Variants in HLF observed in about 807,000 individuals in gnomAD.
The protein encoded by HLF is hepatic leukemia factor.
HLF carries 3 observed loss-of-function variants against 22.6 expected under a neutral mutation model. The observed-to-expected ratio is 0.13, with a 90% CI of 0.06 to 0.34. HLF has a LOEUF of 0.34. Ranked by LOEUF, HLF falls within the 10% of genes least tolerant of loss-of-function variation. The pLI is 1.00. For missense variants in HLF, 299 were observed against 389.2 expected (o/e 0.77, Z 1.95); for synonymous variants, 151 against 151.8 (o/e 0.99, Z 0.04).
rs1382166674 is a variant in HLF at position 55,267,868 on chromosome 17, G to A, written c.233G>A (p.Gly78Glu). 1.2e-6 allele frequency: 2 copies of A among 1,614,102 alleles called. No homozygotes were observed. Among genetic ancestry groups the A allele is most frequent in the South Asian group, 2.2e-5 (2 of 91,082 alleles). Reference sequence around the variant, plus strand: ...TGGGACAAAACCCTTCCCTATGACGGAGATACTTTCCAGTTGGAATACATG... The same window carrying A: ...TGGGACAAAACCCTTCCCTATGACGAAGATACTTTCCAGTTGGAATACATG... ...TLWDKTLPYDGDTFQLEYMDL... is the reference protein window; with the variant it reads ...TLWDKTLPYDEDTFQLEYMDL... Residue 78 changes from glycine to glutamate, a missense_variant, in exon 2 of 4, where the codon GGA becomes GAA. By Grantham distance (98) the Gly-to-Glu change is moderately conservative. Transcript: ENST00000226067.
chr17:55,319,516 GTC>G (rs1270842829), intron 3 of HLF, among the ~76,000 whole-genome samples: 2 of 151,364 alleles, frequency 1.3e-5, no homozygotes, highest in Non-Finnish European at 2.9e-5. Flanking sequence ...CTGTTTCTTA[GTC>G]TTCTTAAGAA....
intron 2 of HLF, among the ~76,000 whole-genome samples, chr17:55,286,710 A>G (rs748819456): frequency 6.6e-6 from 1 of 152,222 alleles, no homozygotes. Flanking sequence ...CATAAATTCC[A>G]TAAGGATTTC....
intron 2 of HLF, among the ~76,000 whole-genome samples, chr17:55,308,033 C>T (rs534280498): frequency 4.6e-5 from 7 of 152,046 alleles, no homozygotes; most frequent in African/African-American, 9.6e-5. Flanking sequence ...ATTCAGGGGA[C>T]GCAAGGAGCA....
chr17:55,289,920 A>G (rs1284149230), intron 2 of HLF, among the ~76,000 whole-genome samples: 1 of 152,174 alleles, frequency 6.6e-6, no homozygotes. Flanking sequence ...TAGAAAAAAA[A>G]AGGCCAGCCT....
intron 2 of HLF, among the ~76,000 whole-genome samples, chr17:55,307,850 C>G (rs569648612): frequency 4.9e-4 from 73 of 147,890 alleles, no homozygotes; most frequent in African/African-American, 1.8e-3. Flanking sequence ...AAAAAAACAT[C>G]AAACAGAGTT....
chr17:55,306,851 TG>T (rs1904594184), intron 2 of HLF, among the ~76,000 whole-genome samples: 1 of 152,100 alleles, frequency 6.6e-6, no homozygotes, highest in Non-Finnish European at 1.5e-5. Context: ...TATTTCTTCT[TG>T]GTTTCTTAAT....
intron 2 of HLF, 133 bp downstream of exon 2, chr17:55,268,219 C>T (rs1369513684): frequency 8.2e-6 from 5 of 609,772 alleles, no homozygotes; most frequent in Non-Finnish European, 1.1e-5. Context: ...TCTTCTGCTC[C>T]ACTCCTGGCA....
rs578040354 is a variant in HLF, at chr17:55,319,733, T to A, written c.673-931T>A. Among the ~76,000 whole-genome samples the A allele has an allele frequency of 1.4e-4, 21 of 152,288 alleles. No individual in the cohort carries two copies. The East Asian group carries it at 3.3e-3, about 24-fold the overall frequency. ...GCAGGTTGAAGATTTTTTTTTTTAATTTCTATTTTTAATTACCAAAGTGTA... is the reference window on the plus strand; with the variant it reads ...GCAGGTTGAAGATTTTTTTTTTTAAATTCTATTTTTAATTACCAAAGTGTA... On this transcript the variant is annotated intron_variant, in intron 3 of 3. Coordinates refer to ENST00000226067, the MANE Select transcript of HLF (RefSeq NM_002126.5).
chr17:55,277,274 TGC>T (rs35280679), intron 2 of HLF, among the ~76,000 whole-genome samples: 2 of 113,892 alleles, frequency 1.8e-5, no homozygotes, highest in Non-Finnish European at 3.5e-5. Context: ...TGTGTGTGTG[TGC>T]GCGCGCATGT....
chr17:55,273,284 A>G (rs375025802), intron 2 of HLF, among the ~76,000 whole-genome samples: 37 of 152,298 alleles, frequency 2.4e-4, no homozygotes, highest in African/African-American at 7.2e-4. Context: ...GGGTTTTGGC[A>G]GGGTTAAATA....
intron 3 of HLF, chr17:55,319,203 T>G (rs1302497374): frequency 6.6e-6 from 1 of 152,286 alleles, no homozygotes; most frequent in African/African-American, 2.4e-5. Flanking sequence ...CCACACTTTC[T>G]GTATTTGTGC....
chr17:55,308,335 G>A (rs1055275221), intron 2 of HLF, among the ~76,000 whole-genome samples: 1 of 152,194 alleles, frequency 6.6e-6, no homozygotes, highest in Admixed American at 6.5e-5. Context: ...TTTTGTATAT[G>A]TGTTTATATA....
rs1177291012 is a variant in HLF, at chr17:55,267,524, G to A, written c.116-227G>A. ...AGATCAGCCTGTAGCCCTGCCCCAAGGACTAGTGCCTTCTTTCCAAAGTAA... is the reference window on the plus strand; with the variant it reads ...AGATCAGCCTGTAGCCCTGCCCCAAAGACTAGTGCCTTCTTTCCAAAGTAA... On this transcript the variant is annotated intron_variant, in intron 1 of 3. Transcript: ENST00000226067. 1.0e-5 allele frequency: 5 copies of A among 487,754 alleles called. No individual in the cohort carries two copies. The Admixed American group carries it at 1.5e-4, about 15-fold the overall frequency. The allele number at this position is 487,754 out of a possible 1,614,324, so 30.2% of individuals were successfully genotyped here.
intron 2 of HLF, among the ~76,000 whole-genome samples, chr17:55,289,904 C>A (rs558722487): frequency 2.0e-5 from 3 of 152,098 alleles, no homozygotes; most frequent in African/African-American, 7.2e-5. Context: ...CTGTTTTCAG[C>A]CTAGTTAGAA....
intron 2 of HLF, among the ~76,000 whole-genome samples, chr17:55,307,449 A>ATG (rs1290101119): frequency 2.0e-5 from 3 of 151,838 alleles, no homozygotes; most frequent in Admixed American, 2.0e-4. Flanking sequence ...CATTACAAGC[A>ATG]TGAGCCACCA....
Position 55,320,918 on chromosome 17 carries a change from AGTTT to A in HLF, c.*44_*47del. On this transcript the variant is annotated 3_prime_UTR_variant, in exon 4 of 4. Transcript: ENST00000226067. The surrounding 1 kb of genome is among the most constrained non-coding windows in gnomAD (Gnocchi z 4.2). Reference sequence around the variant, plus strand: ...CAGGCTGGCTTTGGAATAGATGGACAGTTTGTTTCCTGTCTGATAGCACCACACG... The same window carrying A: ...CAGGCTGGCTTTGGAATAGATGGACAGTTTCCTGTCTGATAGCACCACACG... 1 of 1,524,604 alleles carries A rather than the reference AGTTT, an allele frequency of 6.6e-7. No homozygotes were observed. Among genetic ancestry groups the A allele is most frequent in the Non-Finnish European group, 9.0e-7 (1 of 1,112,294 alleles). 94.4% of individuals were successfully genotyped at this position (1,524,604 alleles called of 1,614,324 possible). A position where few individuals can be genotyped will look rare whatever the true frequency, so the allele number is the denominator to read the frequency against.
chr17:55,285,017 G>A (rs1256671320), intron 2 of HLF, among the ~76,000 whole-genome samples: 1 of 152,116 alleles, frequency 6.6e-6, no homozygotes, highest in South Asian at 2.1e-4. Flanking sequence ...AAGGAGTCAG[G>A]GACTGCCCAC....
intron 2 of HLF, among the ~76,000 whole-genome samples, chr17:55,310,462 T>C (rs1904778389): frequency 6.6e-6 from 1 of 152,214 alleles, no homozygotes; most frequent in Non-Finnish European, 1.5e-5. Context: ...TTGGAAGAAT[T>C]GGAACTGCCT....
At position 55,270,609 on chromosome 17, in the gene HLF, T is replaced by G. The variant is rs138536328; in HGVS notation, c.451+2523T>G. Among the ~76,000 whole-genome samples, 934 of 152,248 alleles carry G rather than the reference T, an allele frequency of 6.1e-3. 8 individuals are homozygous for G. Among genetic ancestry groups the G allele is most frequent in the Middle Eastern group, 0.017 (5 of 292 alleles). ...TTCTGGGAGCTGTATAATTTCAGTC[T>G]TGATTGGTGTTTCTCAACCTTGGCA... is the stretch of plus-strand genomic sequence containing the variant. On this transcript the variant is annotated intron_variant, in intron 2 of 3. Coordinates refer to ENST00000226067, the MANE Select transcript of HLF (RefSeq NM_002126.5).
Sources: gnomAD v4.1 joint callset for allele counts (sites outside exome capture counted in the v4.1 genomes callset) on GRCh38, gnomAD v4.1.1 for gene constraint, Gnocchi (gnomAD v3.1) non-coding constraint, MANE v1.5 for transcripts, NCBI Gene and HGNC (gene_info 2026-07-23, HGNC 2026-07-21) for gene names.